Variants in PDE6D observed in about 807,000 individuals in gnomAD.
PDE6D encodes the protein phosphodiesterase 6D.
In PDE6D, 10 loss-of-function variants were observed where a neutral mutation model predicts 21.9. The ratio of observed to expected loss-of-function variants is 0.46; its 90% CI spans 0.28 to 0.78. The LOEUF is 0.78. Among genes scored for constraint, PDE6D ranks in the 30% least tolerant of loss-of-function variants. The probability of loss-of-function intolerance (pLI) is 0.12; values close to 1 mark genes in which losing one functional copy is unlikely to be tolerated. For synonymous variants in PDE6D, 59 were observed against 63.5 expected (o/e 0.93, Z 0.34); for missense variants, 139 against 184.8 (o/e 0.75, Z 1.44).
rs140325957 is a variant in PDE6D, at chr2:231,773,994, C to T, written c.50+7071G>A. Among the ~76,000 whole-genome samples, 1,138 of 151,720 alleles carry T rather than the reference C, an allele frequency of 7.5e-3. 7 individuals are homozygous for T. The highest frequency in any genetic ancestry group is 0.011 in the Non-Finnish European group (776 of 67,846). Reference sequence around the variant, plus strand: ...TGTTACCCAGGCTGGAGTGCACTGGCGTGATCTCGGCTCACTGCAACCTCC... The same window carrying T: ...TGTTACCCAGGCTGGAGTGCACTGGTGTGATCTCGGCTCACTGCAACCTCC... On this transcript the variant is annotated intron_variant, in intron 1 of 4. Transcript: ENST00000287600.
At chr2:231,753,120 C>T (rs2048855003) in intron 1 of PDE6D, among the ~76,000 whole-genome samples, 1 of 150,982 alleles carries the variant, frequency 6.6e-6, no homozygotes, top group Non-Finnish European at 1.5e-5. Flanking sequence ...AGTGAGCCAC[C>T]GCACCCGGCC....
At chr2:231,775,157 G>T (rs560257022) in intron 1 of PDE6D, among the ~76,000 whole-genome samples, 1 of 151,744 alleles carries the variant, frequency 6.6e-6, no homozygotes, top group Non-Finnish European at 1.5e-5. Context: ...CAAGTGATCT[G>T]CCCACCTTGG....
Position 231,739,063 on chromosome 2 carries a change from G to T in PDE6D, c.139+37C>A. 7.4e-7 allele frequency: 1 copy of T among 1,358,500 alleles called. No homozygotes were observed. The highest frequency in any genetic ancestry group is 1.1e-6 in the Non-Finnish European group (1 of 948,168). 84.2% of individuals were successfully genotyped at this position (1,358,500 alleles called of 1,614,324 possible). ...TATGCTCAGGTGCTAGTCTGGCATT[G>T]GTCACAGCCCTGTGTAGATAAAGGG... is the stretch of plus-strand genomic sequence containing the variant. On this transcript the variant is annotated intron_variant, in intron 2 of 4. Coordinates refer to ENST00000287600, the MANE Select transcript of PDE6D (RefSeq NM_002601.4). The surrounding 1 kb of genome is among the most constrained non-coding windows in gnomAD (Gnocchi z 4.2).
intron 1 of PDE6D, among the ~76,000 whole-genome samples, chr2:231,744,677 C>T (rs1283756681): frequency 6.6e-6 from 1 of 152,098 alleles, no homozygotes; most frequent in Non-Finnish European, 1.5e-5. Flanking sequence ...AGGTGATCTG[C>T]CTGCCTCGGC....
chr2:231,735,038 C>T (rs1238757657), intron 4 of PDE6D, among the ~76,000 whole-genome samples: 2 of 150,018 alleles, frequency 1.3e-5, no homozygotes, highest in Admixed American at 1.3e-4. Flanking sequence ...GTCAGGAGAT[C>T]GAGACCATCC....
Position 231,739,340 on chromosome 2 carries a change from G to A in PDE6D, c.51-152C>T, listed in dbSNP as rs1457196390. 1 of 747,262 alleles carries A rather than the reference G, an allele frequency of 1.3e-6. No homozygotes were observed. Among genetic ancestry groups the A allele is most frequent in the Admixed American group, 1.7e-5 (1 of 58,340 alleles). 46.3% of individuals were successfully genotyped at this position (747,262 alleles called of 1,614,324 possible). On this transcript the variant is annotated intron_variant, in intron 1 of 4. Coordinates refer to ENST00000287600, the MANE Select transcript of PDE6D (RefSeq NM_002601.4). This position sits in a 1 kb window ranked among gnomAD's most constrained non-coding sequence, Gnocchi z 4.2. ...CCATGGAAGCACATAAGAATGTGAG[G>A]AGAGTCAAAAAGACATCTAAAGGAA...
chr2:231,741,340 G>A (rs1384008427), intron 1 of PDE6D, among the ~76,000 whole-genome samples: 1 of 152,028 alleles, frequency 6.6e-6, no homozygotes, highest in East Asian at 1.9e-4. Flanking sequence ...AATTTTCAGG[G>A]AAACAATTCC....
At position 231,766,246 on chromosome 2, in the gene PDE6D, T is replaced by G. The variant is rs536781454; in HGVS notation, c.50+14819A>C. Among the ~76,000 whole-genome samples, 417 of 152,328 alleles carry G rather than the reference T, an allele frequency of 2.7e-3. 1 individual carries two copies. Among genetic ancestry groups the G allele is most frequent in the Admixed American group, 7.2e-3 (110 of 15,290 alleles). ...GAAAGTATACAATCAAAATTCAAAC[T>G]GGCCTGGGAAACAGTGGAGGCAAGT... On this transcript the variant is annotated intron_variant, in intron 1 of 4. Transcript: ENST00000287600.
At chr2:231,749,569 C>G (rs2048821816) in intron 1 of PDE6D, among the ~76,000 whole-genome samples, 1 of 147,002 alleles carries the variant, frequency 6.8e-6, no homozygotes, top group African/African-American at 2.5e-5. Flanking sequence ...GAGTCTCACT[C>G]TGTTCAGGCT....
At chr2:231,780,978 T>A (rs2049115758) in intron 1 of PDE6D, 87 bp downstream of exon 1, 2 of 1,202,602 alleles carry the variant, frequency 1.7e-6, no homozygotes, top group Non-Finnish European at 2.4e-6. Flanking sequence ...GGGGCCCACC[T>A]GGCGCGGCCC....
At chr2:231,749,154 C>T (rs368511582) in intron 1 of PDE6D, among the ~76,000 whole-genome samples, 1 of 152,216 alleles carries the variant, frequency 6.6e-6, no homozygotes, top group African/African-American at 2.4e-5. Context: ...AGACACTTAA[C>T]GCCAGCTGGT....
chr2:231,746,789 C>T (rs7574492), intron 1 of PDE6D, among the ~76,000 whole-genome samples: 51 of 151,818 alleles, frequency 3.4e-4, no homozygotes, highest in African/African-American at 7.7e-4. Flanking sequence ...GACACAGGGA[C>T]GGAGTGAAGG....
intron 1 of PDE6D, among the ~76,000 whole-genome samples, chr2:231,777,620 A>C (rs1039406594): frequency 5.3e-5 from 8 of 152,254 alleles, no homozygotes; most frequent in Non-Finnish European, 1.2e-4. Context: ...ATAAAGCTAT[A>C]ATAATTCAAT....
intron 1 of PDE6D, among the ~76,000 whole-genome samples, chr2:231,768,269 T>G (rs754809267): frequency 1.4e-4 from 21 of 152,218 alleles, no homozygotes; most frequent in Non-Finnish European, 2.1e-4. Context: ...GTCCTCATCC[T>G]TCCTCATTCC....
chr2:231,739,080 G>A lies in PDE6D; in HGVS notation c.139+20C>T, dbSNP rs12620711. 6.5e-7 allele frequency: 1 copy of A among 1,535,928 alleles called. No individual in the cohort carries two copies. Among genetic ancestry groups the A allele is most frequent in the Non-Finnish European group, 9.0e-7 (1 of 1,108,916 alleles). On this transcript the variant is annotated intron_variant, in intron 2 of 4. Coordinates refer to ENST00000287600, the MANE Select transcript of PDE6D (RefSeq NM_002601.4). The surrounding 1 kb of genome is among the most constrained non-coding windows in gnomAD (Gnocchi z 4.2). ...CTGGCATTGGTCACAGCCCTGTGTA[G>A]ATAAAGGGTTGGAAAGTACCTTCAT...
intron 1 of PDE6D, among the ~76,000 whole-genome samples, chr2:231,762,554 A>G (rs1478393697): frequency 6.6e-6 from 1 of 152,054 alleles, no homozygotes; most frequent in Non-Finnish European, 1.5e-5. Context: ...CCTGTTGGCC[A>G]GGCTGGTCTC....
chr2:231,735,698 A>C (rs1202916540), intron 4 of PDE6D, among the ~76,000 whole-genome samples: 2 of 151,350 alleles, frequency 1.3e-5, no homozygotes, highest in Non-Finnish European at 2.9e-5. Context: ...GGAAAGTGTC[A>C]CCACACCTGG....
At chr2:231,761,001 A>C (rs2106278699) in intron 1 of PDE6D, among the ~76,000 whole-genome samples, 2 of 152,236 alleles carry the variant, frequency 1.3e-5, no homozygotes, top group South Asian at 4.1e-4. Context: ...TCCATATTCA[A>C]GTACTAGCGT....
chr2:231,749,091 A>G (rs1011684968), intron 1 of PDE6D, among the ~76,000 whole-genome samples: 3 of 152,204 alleles, frequency 2.0e-5, no homozygotes, highest in Admixed American at 2.0e-4. Context: ...ACTCTCCTCC[A>G]GACCCTAGAA....
Sources: gnomAD v4.1 joint callset for allele counts (sites outside exome capture counted in the v4.1 genomes callset) on GRCh38, gnomAD v4.1.1 for gene constraint, Gnocchi (gnomAD v3.1) non-coding constraint, MANE v1.5 for transcripts, NCBI Gene and HGNC (gene_info 2026-07-23, HGNC 2026-07-21) for gene names.